Variants in DPP6 observed in about 807,000 individuals in gnomAD.
DPP6 encodes dipeptidyl peptidase like 6, also known as A-type potassium channel modulatory protein DPP6.
DPP6 carries 69 observed loss-of-function variants against 122.6 expected under a neutral mutation model. The ratio of observed to expected loss-of-function variants is 0.56; its 90% CI spans 0.46 to 0.69. DPP6 has a LOEUF of 0.69. Among genes scored for constraint, DPP6 ranks in the 30% least tolerant of loss-of-function variants. The probability of loss-of-function intolerance (pLI) is 0.00; values close to 1 mark genes in which losing one functional copy is unlikely to be tolerated. For synonymous variants in DPP6, 418 were observed against 433.1 expected, an observed-to-expected ratio of 0.97 and a Z score of 0.43; for missense variants, 928 against 1,116.9, an observed-to-expected ratio of 0.83 and a Z score of 2.41.
chr7:154,375,696 G>A (rs1458533351), intron 1 of DPP6, among the ~76,000 whole-genome samples: 1 of 152,198 alleles, frequency 6.6e-6, no homozygotes, highest in African/African-American at 2.4e-5. Flanking sequence ...CCGGCACCCT[G>A]ACTTGGACTT....
chr7:153,859,918 A>G, the DPP6 span, among the ~76,000 whole-genome samples: 2 of 152,284 alleles, frequency 1.3e-5, no homozygotes, highest in South Asian at 2.1e-4. Context: ...CCATGGTTCA[A>G]TTACCTCCAC....
intron 4 of DPP6, among the ~76,000 whole-genome samples, chr7:154,542,567 C>T (rs1017520054): frequency 1.3e-5 from 2 of 152,136 alleles, no homozygotes; most frequent in Non-Finnish European, 2.9e-5. Flanking sequence ...TTAGCCAAGT[C>T]GCCTTTAATA....
At chr7:154,350,855 G>C (rs1481952461) in intron 1 of DPP6, among the ~76,000 whole-genome samples, 1 of 152,142 alleles carries the variant, frequency 6.6e-6, no homozygotes, top group Non-Finnish European at 1.5e-5. Flanking sequence ...AGGGAATTTT[G>C]GTTAGGGGGC....
intron 1 of DPP6, among the ~76,000 whole-genome samples, chr7:154,097,022 T>A (rs1365530891): frequency 1.3e-5 from 2 of 152,196 alleles, no homozygotes; most frequent in African/African-American, 4.8e-5. Flanking sequence ...TAGGTAGAGG[T>A]GATGGGATGG....
At chr7:154,101,277 A>G (rs1394378177) in intron 1 of DPP6, among the ~76,000 whole-genome samples, 2 of 133,724 alleles carry the variant, frequency 1.5e-5, no homozygotes, top group Non-Finnish European at 3.4e-5. Context: ...AGTCTGAAAG[A>G]CCTCGAAGAG....
intron 1 of DPP6, among the ~76,000 whole-genome samples, chr7:154,415,757 G>A (rs1484986704): frequency 2.0e-5 from 3 of 149,784 alleles, no homozygotes; most frequent in African/African-American, 7.4e-5. Context: ...CCAGGCTGGA[G>A]AAGTGCATTT....
intron 23 of DPP6, among the ~76,000 whole-genome samples, chr7:154,888,246 G>T (rs77889955): frequency 0.033 from 4,987 of 152,100 alleles, 137 homozygotes; most frequent in East Asian, 0.059. Flanking sequence ...ACGCTGCCAC[G>T]CCCAGCTAAT....
At chr7:154,788,884 C>A (rs149822533) in intron 10 of DPP6, among the ~76,000 whole-genome samples, 2 of 152,114 alleles carry the variant, frequency 1.3e-5, no homozygotes, top group Non-Finnish European at 2.9e-5. Context: ...TGTGGGAGAA[C>A]CTCCCACATT....
chr7:154,773,873 G>A (rs941217634), intron 10 of DPP6, among the ~76,000 whole-genome samples: 8 of 152,286 alleles, frequency 5.3e-5, no homozygotes, highest in South Asian at 2.1e-4. Context: ...AGCACCTGGT[G>A]ACTCTGGACC....
At chr7:153,809,401 G>A in the DPP6 span, among the ~76,000 whole-genome samples, 4 of 152,102 alleles carry the variant, frequency 2.6e-5, no homozygotes, top group Non-Finnish European at 4.4e-5. Context: ...GTGACCCAGC[G>A]CTGTGCCTAG....
At chr7:153,826,802 C>T in the DPP6 span, among the ~76,000 whole-genome samples, 3 of 152,204 alleles carry the variant, frequency 2.0e-5, no homozygotes, top group Middle Eastern at 3.4e-3. Flanking sequence ...TGAAATTTAG[C>T]TCTCTGCTGA....
At chr7:154,818,135 C>T (rs1302521635) in intron 16 of DPP6, among the ~76,000 whole-genome samples, 2 of 152,052 alleles carry the variant, frequency 1.3e-5, no homozygotes, top group Admixed American at 1.3e-4. Context: ...GCATTATGGC[C>T]AGCCAAAATA....
intron 1 of DPP6, among the ~76,000 whole-genome samples, chr7:154,429,405 A>G (rs11983142): frequency 0.041 from 6,245 of 152,238 alleles, 160 homozygotes; most frequent in African/African-American, 0.053. Flanking sequence ...CTTTCAAGGG[A>G]AGAAAACTTC....
intron 21 of DPP6, chr7:154,884,261 TGCTC>T (rs1438685064): frequency 2.7e-5 from 4 of 146,348 alleles, no homozygotes; most frequent in East Asian, 2.1e-4. Context: ...TACATACACA[TGCTC>T]ACACATACAC....
intron 20 of DPP6, 53 bp downstream of exon 20, chr7:154,876,153 T>C (rs1804832685): frequency 2.7e-6 from 4 of 1,502,310 alleles, no homozygotes; most frequent in Admixed American, 2.2e-5. Flanking sequence ...GGGCTCCTCA[T>C]GGGGGCAGCA....
intron 1 of DPP6, among the ~76,000 whole-genome samples, chr7:154,157,413 T>C (rs190791927): frequency 5.7e-4 from 87 of 152,350 alleles, no homozygotes; most frequent in African/African-American, 1.9e-3. Context: ...AGTCATTCTC[T>C]AGTTGTCTTG....
chr7:153,879,620 C>T, the DPP6 span, among the ~76,000 whole-genome samples: 1 of 152,138 alleles, frequency 6.6e-6, no homozygotes, highest in Admixed American at 6.5e-5. Flanking sequence ...GAACTCCTGA[C>T]CTCAGGTGAA....
At chr7:154,465,123 T>A (rs1821669890) in intron 2 of DPP6, among the ~76,000 whole-genome samples, 1 of 152,052 alleles carries the variant, frequency 6.6e-6, no homozygotes, top group Admixed American at 6.6e-5. Context: ...TGATGGTAAC[T>A]GAAACTGTGG....
At position 154,079,596 on chromosome 7, in the gene DPP6, C is replaced by T. The variant is rs997464149; in HGVS notation, c.243+26533C>T. 1.4e-4 allele frequency among the ~76,000 whole-genome samples: 21 copies of T among 152,082 alleles called. 1 individual carries two copies. Among genetic ancestry groups the T allele is most frequent in the Admixed American group, 1.2e-3 (19 of 15,272 alleles). On this transcript the variant is annotated intron_variant, in intron 1 of 25. Coordinates refer to ENST00000377770, the MANE Select transcript of DPP6 (RefSeq NM_130797.4). ...CGGGTGAAAGGAACAAGCACGGCCC[C>T]TTTGAGGTGGAAAACAGACTGGTGG... is the stretch of plus-strand genomic sequence containing the variant.
Sources: allele counts gnomAD v4.1 joint callset (sites outside exome capture counted in the v4.1 genomes callset), GRCh38; gene constraint gnomAD v4.1.1; transcripts MANE v1.5; gene names NCBI Gene and HGNC (gene_info 2026-07-23, HGNC 2026-07-21).